Variants in MYOF observed in about 807,000 individuals in gnomAD.
The protein encoded by MYOF is fer-1-like 3, myoferlin.
Under a neutral mutation model 284.2 loss-of-function variants are expected in MYOF, and 244 were observed. The observed-to-expected ratio is 0.86, with a 90% CI of 0.77 to 0.95. The LOEUF is 0.95. Among genes scored for constraint, MYOF ranks in the 40% least tolerant of loss-of-function variants. The probability of loss-of-function intolerance (pLI) is 0.00; values close to 1 mark genes in which losing one functional copy is unlikely to be tolerated. For missense variants in MYOF, 2,496 were observed against 2,560.6 expected, an observed-to-expected ratio of 0.97 and a Z score of 0.54; for synonymous variants, 904 against 919.7, an observed-to-expected ratio of 0.98 and a Z score of 0.31.
chr10:93,426,001 A>T, intron 5 of MYOF, 70 bp downstream of exon 5: 1 of 1,463,880 alleles, frequency 6.8e-7, no homozygotes, highest in Non-Finnish European at 9.3e-7. Flanking sequence ...GGGTTTCTCC[A>T]GACACTCTCC....
intron 16 of MYOF, among the ~76,000 whole-genome samples, chr10:93,394,448 C>CTCTTTTTTTT (rs1846871495): frequency 1.4e-4 from 4 of 28,700 alleles, no homozygotes; most frequent in Admixed American, 6.7e-4. Context: ...ACCATCTTGT[C>CTCTTTTTTTT]TTTTTTTTTT....
intron 26 of MYOF, among the ~76,000 whole-genome samples, chr10:93,366,029 T>C (rs997546464): frequency 7.4e-6 from 1 of 135,228 alleles, no homozygotes; most frequent in African/African-American, 2.5e-5. Flanking sequence ...TGTGTCGGCA[T>C]CTGTGAAACT....
intron 15 of MYOF, 29 bp from the exon 16 acceptor site, chr10:93,396,253 AAAAAT>A: frequency 6.7e-7 from 1 of 1,503,670 alleles, no homozygotes; most frequent in Non-Finnish European, 9.0e-7. Context: ...TAAAAAAATA[AAAAAT>A]AAAAGGTTCA....
chr10:93,470,907 G>A (rs2057131862), intron 1 of MYOF, among the ~76,000 whole-genome samples: 2 of 152,184 alleles, frequency 1.3e-5, no homozygotes, highest in African/African-American at 4.8e-5. Flanking sequence ...AAACATAGGA[G>A]GGACAGAGAC....
At chr10:93,474,909 G>A (rs2057227024) in intron 1 of MYOF, among the ~76,000 whole-genome samples, 2 of 152,096 alleles carry the variant, frequency 1.3e-5, no homozygotes, top group Admixed American at 6.6e-5. Context: ...ACCATGCCTG[G>A]CTAAGTTTTT....
In MYOF at chr10:93,308,734, C is replaced by T. The variant is rs1388015048; in HGVS notation, c.6147+1286G>A. Reference sequence around the variant, plus strand: ...TGGCTACGATACTATTTTTTTGAGACAGAGTCTCACTTCTTCATCCAGGTT... The same window carrying T: ...TGGCTACGATACTATTTTTTTGAGATAGAGTCTCACTTCTTCATCCAGGTT... On this transcript the variant is annotated intron_variant, in intron 53 of 53. Transcript: ENST00000359263. Among the ~76,000 whole-genome samples, 4 of 151,844 alleles carry T rather than the reference C, an allele frequency of 2.6e-5. No individual in the cohort carries two copies. In the East Asian group the frequency reaches 7.7e-4, roughly 29 times the overall value.
intron 53 of MYOF, among the ~76,000 whole-genome samples, 193 bp from the exon 54 acceptor site, chr10:93,307,194 C>CG (rs1032337930): frequency 2.5e-5 from 3 of 120,510 alleles, no homozygotes; most frequent in Admixed American, 2.3e-4. Flanking sequence ...TAGCACCCCC[C>CG]CGCCAAGTTG....
At chr10:93,449,337 C>T (rs1304587906) in intron 3 of MYOF, among the ~76,000 whole-genome samples, 1 of 152,204 alleles carries the variant, frequency 6.6e-6, no homozygotes, top group Non-Finnish European at 1.5e-5. Flanking sequence ...TTTTAAATTG[C>T]ATGTGCACCC....
chr10:93,333,338 T>C, intron 42 of MYOF, 26 bp from the exon 43 acceptor site: 1 of 1,590,828 alleles, frequency 6.3e-7, no homozygotes, highest in South Asian at 1.1e-5. Context: ...GACGGGATGT[T>C]ACATCATTGT....
intron 1 of MYOF, among the ~76,000 whole-genome samples, chr10:93,478,554 C>A (rs1208127043): frequency 6.6e-6 from 1 of 152,014 alleles, no homozygotes; most frequent in African/African-American, 2.4e-5. Context: ...CGGTTGAACA[C>A]AACTGGGCGC....
chr10:93,346,896 G>A (rs1197874286), intron 37 of MYOF, among the ~76,000 whole-genome samples: 2 of 152,210 alleles, frequency 1.3e-5, no homozygotes, highest in African/African-American at 2.4e-5. Flanking sequence ...TAACCATTCA[G>A]TGAAAGGCAG....
At chr10:93,375,971 T>C (rs1251162867) in intron 22 of MYOF, among the ~76,000 whole-genome samples, 1 of 152,202 alleles carries the variant, frequency 6.6e-6, no homozygotes, top group Non-Finnish European at 1.5e-5. Context: ...GAAGCTCTGA[T>C]TCACAGTGTC....
intron 5 of MYOF, among the ~76,000 whole-genome samples, chr10:93,423,486 A>G (rs1039829378): frequency 1.4e-5 from 2 of 139,216 alleles, no homozygotes; most frequent in African/African-American, 2.8e-5. Context: ...AGACTGCACC[A>G]CTGCACTCCA....
chr10:93,459,642 G>A (rs701880), intron 1 of MYOF, among the ~76,000 whole-genome samples: 103,342 of 152,118 alleles, frequency 0.68, 35,276 homozygotes, highest in South Asian at 0.71. Flanking sequence ...ATGAAGATTC[G>A]TAAATGTAAC....
At chr10:93,456,776 T>G in intron 2 of MYOF, 106 bp downstream of exon 2, 2 of 813,434 alleles carry the variant, frequency 2.5e-6, no homozygotes, top group Non-Finnish European at 4.0e-6. Context: ...GGGGGTGAAA[T>G]GTAGAGATTC....
At chr10:93,399,941 G>A (rs1413526892) in intron 12 of MYOF, among the ~76,000 whole-genome samples, 2 of 152,326 alleles carry the variant, frequency 1.3e-5, no homozygotes, top group African/African-American at 4.8e-5. Flanking sequence ...GGAGGCTGAG[G>A]CATGAGAATC....
chr10:93,307,685 C>T (rs553342908), intron 53 of MYOF, among the ~76,000 whole-genome samples: 36 of 149,760 alleles, frequency 2.4e-4, no homozygotes, highest in Non-Finnish European at 4.1e-4. Flanking sequence ...AGTGCAGTGG[C>T]GTGATCTCCA....
rs1222628650 is a variant in MYOF, at chr10:93,310,029, G to A, written c.6138C>T (p.Tyr2046=). ...AAGGAAGGGCTCCTACCGGCAAAGA[G>A]TAGAGGAGCACGGCCACGAAGAGCA... The part of the protein sequence containing the change: ...ILLLFVAVLL[Y]SLPNYLSMKI... The change falls in exon 53 of 54, where the codon TAC becomes TAT. Residue 2046 remains tyrosine, a synonymous_variant. Coordinates refer to ENST00000359263, the MANE Select transcript of MYOF (RefSeq NM_013451.4). 1 of 1,614,016 alleles carries A rather than the reference G, an allele frequency of 6.2e-7. No individual in the cohort carries two copies. The highest frequency in any genetic ancestry group is 1.3e-5 in the African/African-American group (1 of 74,906).
intron 43 of MYOF, 53 bp from the exon 44 acceptor site, chr10:93,329,887 C>G (rs995642650): frequency 6.3e-7 from 1 of 1,581,484 alleles, no homozygotes; most frequent in East Asian, 2.2e-5. Flanking sequence ...GAGTACCTCA[C>G]AAAAACTGGG....
Sources: allele counts gnomAD v4.1 joint callset (sites outside exome capture counted in the v4.1 genomes callset), GRCh38; gene constraint gnomAD v4.1.1; transcripts MANE v1.5; gene names NCBI Gene and HGNC (gene_info 2026-07-23, HGNC 2026-07-21).